Variants in MYOM2 observed in about 807,000 individuals in gnomAD.
The protein encoded by MYOM2 is myomesin-2.
A neutral mutation model predicts 187.6 loss-of-function variants in MYOM2; 254 were observed. The observed-to-expected ratio is 1.35, with a 90% CI of 1.22 to 1.50. The LOEUF (loss-of-function observed/expected upper bound fraction) is 1.50, where lower values mean the gene tolerates loss of function less well. Ranked by LOEUF, MYOM2 falls within the 40% of genes most tolerant of loss-of-function variation. MYOM2 has a pLI of 0.00. For synonymous variants in MYOM2, 981 were observed against 753.8 expected, an observed-to-expected ratio of 1.30 and a Z score of -4.94; for missense variants, 2,796 against 1,924.0, an observed-to-expected ratio of 1.45 and a Z score of -8.48.
chr8:2,115,129 G>C (rs1258623947), intron 25 of MYOM2, among the ~76,000 whole-genome samples: 1 of 148,790 alleles, frequency 6.7e-6, no homozygotes, highest in Non-Finnish European at 1.5e-5. Context: ...AGCACAAAAA[G>C]GTAAAAATAT....
intron 25 of MYOM2, among the ~76,000 whole-genome samples, chr8:2,114,421 G>A (rs73169413): frequency 0.2 from 30,406 of 152,154 alleles, 3,210 homozygotes; most frequent in African/African-American, 0.26. Context: ...AGGGGGAACT[G>A]TGTGGGCAAA....
chr8:2,122,034 C>G (rs1016547191), intron 28 of MYOM2, among the ~76,000 whole-genome samples: 9 of 152,072 alleles, frequency 5.9e-5, no homozygotes, highest in Non-Finnish European at 1.2e-4. Context: ...TTTCAGAAAA[C>G]AGTAATTGAA....
chr8:2,085,329 T>C lies in MYOM2; in HGVS notation c.1583T>C (p.Val528Ala). Residue 528 changes from valine to alanine, a missense_variant, in exon 14 of 37, where the codon GTC becomes GCC. Transcript: ENST00000262113. ...TCCGAGATCAGCAGAAACTATGTCG[T>C]CCTCAGCTGGGAGCCACCCACTCCC... ...HASEISRNYV[V>A]LSWEPPTPRG... The C allele has an allele frequency of 6.2e-7, 1 of 1,614,044 alleles. No individual in the cohort carries two copies. The highest frequency in any genetic ancestry group is 8.5e-7 in the Non-Finnish European group (1 of 1,179,990).
intron 17 of MYOM2, among the ~76,000 whole-genome samples, chr8:2,095,780 T>G (rs772355122): frequency 2.0e-5 from 3 of 152,176 alleles, no homozygotes; most frequent in Non-Finnish European, 4.4e-5. Flanking sequence ...TCACACTCAT[T>G]TGAAGGAACC....
intron 10 of MYOM2, 134 bp downstream of exon 10, chr8:2,073,634 CG>C: frequency 2.7e-6 from 3 of 1,092,380 alleles, no homozygotes; most frequent in Non-Finnish European, 3.7e-6. Context: ...AGACCCCATG[CG>C]GCCCCGATTT....
At chr8:2,053,629 C>G (rs1187874720) in intron 3 of MYOM2, among the ~76,000 whole-genome samples, 1 of 152,226 alleles carries the variant, frequency 6.6e-6, no homozygotes, top group African/African-American at 2.4e-5. Context: ...TGTCCTAAAA[C>G]ACATTGGTCT....
chr8:2,052,810 A>C (rs1312524712), intron 3 of MYOM2, among the ~76,000 whole-genome samples: 1 of 152,228 alleles, frequency 6.6e-6, no homozygotes, highest in Non-Finnish European at 1.5e-5. Flanking sequence ...TCATCTTCCT[A>C]AGCGGGAGCC....
chr8:2,096,337 G>A lies in MYOM2; in HGVS notation c.2216G>A (p.Gly739Asp), dbSNP rs369608300. 8 of 1,614,182 alleles carry A rather than the reference G, an allele frequency of 5.0e-6. No individual in the cohort carries two copies. The highest frequency in any genetic ancestry group is 4.5e-5 in the East Asian group (2 of 44,862). ...TGGAAGGTCCCGAAATTCAGTGGTG[G>A]CTCGCCCATCCTGGGCTACTACCTG... ...LGWKVPKFSG[G>D]SPILGYYLDK... The change falls in exon 18 of 37, where the codon GGC becomes GAC. Residue 739 changes from glycine (G) to aspartate (D), a missense_variant. Coordinates refer to ENST00000262113, the MANE Select transcript of MYOM2 (RefSeq NM_003970.4).
intron 3 of MYOM2, among the ~76,000 whole-genome samples, chr8:2,054,531 T>C (rs1286725786): frequency 6.6e-6 from 1 of 152,174 alleles, no homozygotes; most frequent in African/African-American, 2.4e-5. Context: ...GGCAGAAATA[T>C]TTCCTCAATG....
chr8:2,129,622 C>G (rs987645128), intron 32 of MYOM2, among the ~76,000 whole-genome samples: 3 of 150,054 alleles, frequency 2.0e-5, no homozygotes, highest in Admixed American at 2.0e-4. Context: ...ATTAAAAGTA[C>G]CAAAACAAGC....
intron 3 of MYOM2, 49 bp downstream of exon 3, chr8:2,052,362 A>G: frequency 6.5e-7 from 1 of 1,548,208 alleles, no homozygotes; most frequent in Non-Finnish European, 8.7e-7. Flanking sequence ...GTGGGGTCAC[A>G]GTGGAGGGAC....
chr8:2,132,987 C>A (rs533048773), intron 32 of MYOM2, among the ~76,000 whole-genome samples: 1 of 152,128 alleles, frequency 6.6e-6, no homozygotes, highest in African/African-American at 2.4e-5. Flanking sequence ...GGTGACGGGA[C>A]GTTCCCTTTG....
chr8:2,057,585 C>A lies in MYOM2; in HGVS notation c.403-38C>A, dbSNP rs750909464. On this transcript the variant is annotated intron_variant, in intron 4 of 36. Transcript: ENST00000262113. ...GGGGCCGAGGGTGGAGCTTGGCTCG[C>A]TGCCTGGGAACCTGACCATCCTTGC... 3 of 1,613,178 alleles carry A rather than the reference C, an allele frequency of 1.9e-6. No individual in the cohort carries two copies. The Admixed American group carries it at 5.0e-5, about 27-fold the overall frequency.
chr8:2,099,037 G>A, intron 19 of MYOM2, 54 bp downstream of exon 19: 1 of 1,539,236 alleles, frequency 6.5e-7, no homozygotes, highest in South Asian at 1.2e-5. Context: ...TGGCTGGGAA[G>A]GGGCCTCTGT....
intron 20 of MYOM2, chr8:2,102,391 G>C (rs963831356): frequency 1.7e-5 from 6 of 352,024 alleles, no homozygotes; most frequent in African/African-American, 4.0e-5. Context: ...TTATAAACTA[G>C]TCAGTATGAT....
intron 31 of MYOM2, among the ~76,000 whole-genome samples, chr8:2,126,509 C>T (rs774694089): frequency 1.3e-5 from 2 of 152,184 alleles, no homozygotes; most frequent in Non-Finnish European, 2.9e-5. Context: ...TGTGAACTCA[C>T]ACACTGACAC....
Position 2,139,070 on chromosome 8 carries a change from C to G in MYOM2, c.3801-1653C>G, listed in dbSNP as rs1384717642. 2.5e-5 allele frequency among the ~76,000 whole-genome samples: 3 copies of G among 120,258 alleles called. No homozygotes were observed. In the Admixed American group the frequency reaches 2.7e-4, roughly 11 times the overall value. The allele number at this position is 120,258 out of a possible 152,430, so 78.9% of individuals were successfully genotyped here. A position where few individuals can be genotyped will look rare whatever the true frequency, so the allele number is the denominator to read the frequency against. On this transcript the variant is annotated intron_variant, in intron 32 of 36. Transcript: ENST00000262113. ...GAGACCCGACACACACTGCCAGCAC[C>G]ACCACCAGAGACCCGACACACACTG...
At chr8:2,055,327 G>A (rs1170474404) in intron 3 of MYOM2, among the ~76,000 whole-genome samples, 1 of 152,192 alleles carries the variant, frequency 6.6e-6, no homozygotes, top group Admixed American at 6.5e-5. Context: ...CCACAGGGCT[G>A]TGATTTGAGG....
chr8:2,140,477 T>C (rs990414072), intron 32 of MYOM2, among the ~76,000 whole-genome samples: 2 of 152,274 alleles, frequency 1.3e-5, no homozygotes, highest in East Asian at 3.8e-4. Flanking sequence ...AAGTCCATTA[T>C]GTCGTGACAA....
Sources: gnomAD v4.1 joint callset for allele counts (sites outside exome capture counted in the v4.1 genomes callset) on GRCh38, gnomAD v4.1.1 for gene constraint, MANE v1.5 for transcripts, NCBI Gene and HGNC (gene_info 2026-07-23, HGNC 2026-07-21) for gene names.